TSHZ2: variants seen among roughly 807,000 people sequenced by gnomAD.
The protein encoded by TSHZ2 is teashirt zinc finger homeobox 2.
TSHZ2 carries 21 observed loss-of-function variants against 74.4 expected under a neutral mutation model. The ratio of observed to expected loss-of-function variants is 0.28; its 90% CI spans 0.20 to 0.41. TSHZ2 has a LOEUF of 0.41. Among genes scored for constraint, TSHZ2 ranks in the 10% least tolerant of loss-of-function variants. The pLI is 1.00. For synonymous variants in TSHZ2, 540 were observed against 515.3 expected (o/e 1.05, Z -0.65); for missense variants, 1,244 against 1,293.5 (o/e 0.96, Z 0.59).
chr20:53,239,841 C>T (rs909744061), intron 1 of TSHZ2, among the ~76,000 whole-genome samples: 1 of 152,038 alleles, frequency 6.6e-6, no homozygotes, highest in Non-Finnish European at 1.5e-5. Flanking sequence ...AATATCAGGG[C>T]ACAGCAAGGC....
In TSHZ2 at chr20:53,123,606, T is replaced by A. The variant is rs552753936; in HGVS notation, c.41-129893T>A. 2.0e-5 allele frequency among the ~76,000 whole-genome samples: 3 copies of A among 152,316 alleles called. No individual in the cohort carries two copies. The East Asian group carries it at 5.8e-4, about 29-fold the overall frequency. Reference sequence around the variant, plus strand: ...GGTAAGCATTTTTCAAGTTTTTGTTTGCATCACACTTGCTAACATCCCAGT... The same window carrying A: ...GGTAAGCATTTTTCAAGTTTTTGTTAGCATCACACTTGCTAACATCCCAGT... On this transcript the variant is annotated intron_variant, in intron 1 of 2. Transcript: ENST00000371497.
At chr20:52,986,032 C>A (rs1471697587) in intron 1 of TSHZ2, among the ~76,000 whole-genome samples, 1 of 152,070 alleles carries the variant, frequency 6.6e-6, no homozygotes, top group Non-Finnish European at 1.5e-5. Flanking sequence ...CACCTCTCAC[C>A]CTTGTTTGTC....
At position 53,016,003 on chromosome 20, in the gene TSHZ2, G is replaced by A. The variant is rs193021260; in HGVS notation, c.40+42670G>A. Among the ~76,000 whole-genome samples, 774 of 152,234 alleles carry A rather than the reference G, an allele frequency of 5.1e-3. 4 individuals are homozygous for A. The highest frequency in any genetic ancestry group is 0.017 in the South Asian group (84 of 4,808). The stretch of plus-strand genomic sequence containing the variant: ...TAAATAATCATGCCCTGCCTCTGAC[G>A]TTAAAGGGCATCATTGTCTCGGCTC... On this transcript the variant is annotated intron_variant, in intron 1 of 2. Transcript: ENST00000371497.
chr20:53,423,109 G>A (rs1983536396), intron 2 of TSHZ2, among the ~76,000 whole-genome samples: 1 of 152,162 alleles, frequency 6.6e-6, no homozygotes, highest in African/African-American at 2.4e-5. Context: ...AAAGGTATAT[G>A]ATATTTGGGT....
rs771196014 is a variant in TSHZ2 at position 53,255,143 on chromosome 20, C to A, written c.1685C>A (p.Ser562Tyr). 6.2e-7 allele frequency: 1 copy of A among 1,614,040 alleles called. No homozygotes were observed. Among genetic ancestry groups the A allele is most frequent in the Admixed American group, 1.7e-5 (1 of 60,002 alleles). ...EGTKPPLPMG[S>Y]QVLQIRPNLT... The stretch of plus-strand genomic sequence containing the variant: ...ACCAAGCCGCCTTTGCCTATGGGAT[C>A]CCAGGTACTGCAGATCCGGCCTAAT... Residue 562 changes from serine to tyrosine, a missense_variant, in exon 2 of 3, where the codon TCC becomes TAC. Ser to Tyr is a moderately radical substitution (Grantham distance 144). Around this residue, in one of 6 missense-constraint regions of TSHZ2, gnomAD observed 562 missense variants for 544.0 expected, o/e 1.03. Coordinates refer to ENST00000371497, the MANE Select transcript of TSHZ2 (RefSeq NM_173485.6). This position sits in a 1 kb window ranked among gnomAD's most constrained non-coding sequence, Gnocchi z 4.1.
intron 2 of TSHZ2, among the ~76,000 whole-genome samples, chr20:53,341,963 G>T (rs939689147): frequency 6.6e-6 from 1 of 152,076 alleles, no homozygotes; most frequent in South Asian, 2.1e-4. Flanking sequence ...CACCCACCTC[G>T]GCCTCCTAAA....
intron 1 of TSHZ2, among the ~76,000 whole-genome samples, chr20:53,094,869 C>G (rs1985993153): frequency 6.6e-6 from 1 of 152,162 alleles, no homozygotes; most frequent in South Asian, 2.1e-4. Flanking sequence ...AATTCTGCCT[C>G]CCAGAAGTTT....
At chr20:53,344,270 G>A (rs566358154) in intron 2 of TSHZ2, among the ~76,000 whole-genome samples, 2 of 151,882 alleles carry the variant, frequency 1.3e-5, no homozygotes, top group African/African-American at 2.4e-5. Context: ...GGAATTTATT[G>A]CATGTTAAGC....
At chr20:53,190,353 C>T (rs1031205866) in intron 1 of TSHZ2, among the ~76,000 whole-genome samples, 2 of 151,446 alleles carry the variant, frequency 1.3e-5, no homozygotes, top group African/African-American at 4.9e-5. Flanking sequence ...ACACAGCCCC[C>T]ATTAATGACT....
rs573416883 is a variant in TSHZ2 at position 53,377,548 on chromosome 20, G to T, written c.*9-109596G>T. ...CTCTGTTACAGATACACAACCTGAG[G>T]TTTATAAACTTTATAAAAACAGGCC... On this transcript the variant is annotated intron_variant, in intron 2 of 2. Coordinates refer to ENST00000371497, the MANE Select transcript of TSHZ2 (RefSeq NM_173485.6). 7.2e-5 allele frequency among the ~76,000 whole-genome samples: 11 copies of T among 152,256 alleles called. No homozygotes were observed. The South Asian group carries it at 1.2e-3, about 17-fold the overall frequency.
chr20:53,434,969 T>C (rs1600636093), intron 2 of TSHZ2, among the ~76,000 whole-genome samples: 1 of 152,340 alleles, frequency 6.6e-6, no homozygotes, highest in African/African-American at 2.4e-5. Context: ...AAGGAGAACA[T>C]GTGCTTTCTT....
chr20:53,386,331 G>A (rs181021901), intron 2 of TSHZ2, among the ~76,000 whole-genome samples: 82 of 152,324 alleles, frequency 5.4e-4, no homozygotes, highest in African/African-American at 1.9e-3. Flanking sequence ...TCTACTCAGC[G>A]GAATGACTGC....
At chr20:53,016,284 G>A (rs760155773) in intron 1 of TSHZ2, among the ~76,000 whole-genome samples, 3 of 151,966 alleles carry the variant, frequency 2.0e-5, no homozygotes, top group Non-Finnish European at 2.9e-5. Context: ...GACTTCTTTC[G>A]TCACTGTCTA....
At chr20:53,190,118 TATATATATATATATATATA>T in intron 1 of TSHZ2, among the ~76,000 whole-genome samples, 1 of 92,884 alleles carries the variant, frequency 1.1e-5, no homozygotes, top group African/African-American at 4.2e-5. Flanking sequence ...TATATATATA[TATATATATATATATATATA>T]TTTTCTTAAA....
At position 53,256,422 on chromosome 20, in the gene TSHZ2, G is replaced by A. The variant is rs935962460; in HGVS notation, c.2964G>A (p.Glu988=). Residue 988 remains glutamate (E), a synonymous_variant, in exon 2 of 3, where the codon GAG becomes GAA. Transcript: ENST00000371497. This position sits in a 1 kb window ranked among gnomAD's most constrained non-coding sequence, Gnocchi z 4.3. ...QRSPETIAAE[E]DTDSKFKCKL... is the part of the protein sequence containing the mutation. ...CTCCAGAAACAATAGCTGCCGAAGA[G>A]GACACAGACTCTAAATTCAAGTGTA... 2 of 1,613,952 alleles carry A rather than the reference G, an allele frequency of 1.2e-6. No individual in the cohort carries two copies. The highest frequency in any genetic ancestry group is 2.7e-5 in the African/African-American group (2 of 74,912).
chr20:53,106,056 A>G (rs929169115), intron 1 of TSHZ2, among the ~76,000 whole-genome samples: 1 of 152,220 alleles, frequency 6.6e-6, no homozygotes, highest in African/African-American at 2.4e-5. Context: ...AGTGTTTAGC[A>G]TATCCATCAT....
chr20:53,064,841 T>C (rs987362789), intron 1 of TSHZ2, among the ~76,000 whole-genome samples: 2 of 152,196 alleles, frequency 1.3e-5, no homozygotes, highest in African/African-American at 2.4e-5. Context: ...TAAGATATGA[T>C]ACTATCAAAT....
At chr20:52,996,190 G>A (rs946625885) in intron 1 of TSHZ2, among the ~76,000 whole-genome samples, 1 of 152,060 alleles carries the variant, frequency 6.6e-6, no homozygotes, top group Non-Finnish European at 1.5e-5. Flanking sequence ...TGGAAGTGGG[G>A]TAAAATATGT....
At chr20:53,232,795 G>C (rs1035553099) in intron 1 of TSHZ2, among the ~76,000 whole-genome samples, 5 of 152,012 alleles carry the variant, frequency 3.3e-5, no homozygotes, top group Admixed American at 3.3e-4. Flanking sequence ...TCTGTGCCAA[G>C]CACCGTGTGA....
Sources: allele counts gnomAD v4.1 joint callset (sites outside exome capture counted in the v4.1 genomes callset), GRCh38; gene constraint gnomAD v4.1.1; regional missense constraint gnomAD v4.1.1; non-coding constraint Gnocchi (gnomAD v3.1); transcripts MANE v1.5; gene names NCBI Gene and HGNC (gene_info 2026-07-23, HGNC 2026-07-21).